ZNF805: variants seen among roughly 807,000 people sequenced by gnomAD.
ZNF805 encodes the protein CTC-444N24.8.
In ZNF805, 7 loss-of-function variants were observed where a neutral mutation model predicts 13.6. The observed-to-expected ratio is 0.51, with a 90% CI of 0.29 to 0.97. The LOEUF is 0.97. ZNF805 is among the 50% of genes least tolerant of loss of function. The probability of loss-of-function intolerance (pLI) is 0.08; values close to 1 mark genes in which losing one functional copy is unlikely to be tolerated. For missense variants in ZNF805, 604 were observed against 771.0 expected, an observed-to-expected ratio of 0.78 and a Z score of 2.57; for synonymous variants, 293 against 279.8, an observed-to-expected ratio of 1.05 and a Z score of -0.47.
chr19:57,243,847 T>C (rs1256339394), intron 1 of ZNF805, 76 bp from the exon 2 acceptor site: 1 of 1,606,046 alleles, frequency 6.2e-7, no homozygotes, highest in African/African-American at 1.3e-5. Context: ...TGGGCCTTGA[T>C]CTTGTTGCAC....
At position 57,240,863 on chromosome 19, in the gene ZNF805, C is replaced by A. The variant is rs2087574719; in HGVS notation, c.-29C>A. ...AGACCCGCCCTGCTCGCCGCAGCCCCCGCCCCGCTAGGGCCACAGGGTCCC... is the reference window on the plus strand; with the variant it reads ...AGACCCGCCCTGCTCGCCGCAGCCCACGCCCCGCTAGGGCCACAGGGTCCC... On this transcript the variant is annotated 5_prime_UTR_variant, in exon 1 of 4. Transcript: ENST00000414468. The A allele has an allele frequency of 6.5e-7, 1 of 1,547,358 alleles. No homozygotes were observed. The highest frequency in any genetic ancestry group is 1.4e-5 in the African/African-American group (1 of 72,748).
rs1260103666 is a variant in ZNF805, at chr19:57,261,666, C to T, written c.*6963C>T. On this transcript the variant is annotated 3_prime_UTR_variant, in exon 4 of 4. Coordinates refer to ENST00000414468, the MANE Select transcript of ZNF805 (RefSeq NM_001023563.4). ...GGCGTACCTTGACCTCGAAGAGAAT[C>T]TACATGGACTTTTATGGACCTACGT... 6.0e-6 allele frequency: 1 copy of T among 166,980 alleles called. No individual in the cohort carries two copies. Among genetic ancestry groups the T allele is most frequent in the Non-Finnish European group, 1.5e-5 (1 of 68,102 alleles). 10.3% of individuals were successfully genotyped at this position (166,980 alleles called of 1,614,324 possible).
rs1395587007 is a variant in ZNF805, at chr19:57,260,862, A to T, written c.*6159A>T. 2.0e-5 allele frequency among the ~76,000 whole-genome samples: 3 copies of T among 152,202 alleles called. No individual in the cohort carries two copies. The highest frequency in any genetic ancestry group is 2.9e-5 in the Non-Finnish European group (2 of 68,032). The stretch of plus-strand genomic sequence containing the variant: ...ACCTTGGCCGTGGGGATGCACCCAT[A>T]ATCATCATAAGAGAACACAAATTAT... On this transcript the variant is annotated 3_prime_UTR_variant, in exon 4 of 4. Transcript: ENST00000414468.
chr19:57,260,278 G>A lies in ZNF805; in HGVS notation c.*5575G>A, dbSNP rs1042832426. On this transcript the variant is annotated 3_prime_UTR_variant, in exon 4 of 4. Coordinates refer to ENST00000414468, the MANE Select transcript of ZNF805 (RefSeq NM_001023563.4). The stretch of plus-strand genomic sequence containing the variant: ...TTTCCCATAATGTATAGCTTTAGTC[G>A]GATCTCAAGCCTCGTTTCCAACCTA... Among the ~76,000 whole-genome samples, 5 of 152,064 alleles carry A rather than the reference G, an allele frequency of 3.3e-5. No homozygotes were observed. The East Asian group carries it at 5.8e-4, about 18-fold the overall frequency.
In ZNF805 at chr19:57,259,765, C is replaced by T. The variant is rs942175382; in HGVS notation, c.*5062C>T. Reference sequence around the variant, plus strand: ...TGGTGATCCACCTGCCTCGGCCTCCCGAAGTGCTGGGATTACAGGTGTGAG... The same window carrying T: ...TGGTGATCCACCTGCCTCGGCCTCCTGAAGTGCTGGGATTACAGGTGTGAG... On this transcript the variant is annotated 3_prime_UTR_variant, in exon 4 of 4. Coordinates refer to ENST00000414468, the MANE Select transcript of ZNF805 (RefSeq NM_001023563.4). Among the ~76,000 whole-genome samples the T allele has an allele frequency of 6.6e-6, 1 of 152,206 alleles. No homozygotes were observed. The highest frequency in any genetic ancestry group is 2.4e-5 in the African/African-American group (1 of 41,448).
intron 2 of ZNF805, among the ~76,000 whole-genome samples, chr19:57,248,299 T>A (rs891392047): frequency 2.6e-5 from 4 of 152,332 alleles, no homozygotes; most frequent in Middle Eastern, 6.8e-3. Context: ...AGTGTATCAC[T>A]TTTTCTCTAA....
At position 57,259,950 on chromosome 19, in the gene ZNF805, G is replaced by T. The variant is rs1012290072; in HGVS notation, c.*5247G>T. Among the ~76,000 whole-genome samples, 4 of 152,326 alleles carry T rather than the reference G, an allele frequency of 2.6e-5. No individual in the cohort carries two copies. Among genetic ancestry groups the T allele is most frequent in the Non-Finnish European group, 5.9e-5 (4 of 68,034 alleles). ...TTGAATAGAAATCCTAAATTATCTGGAGGAGTAGAAGTCCTGTAATCTTTT... is the reference window on the plus strand; with the variant it reads ...TTGAATAGAAATCCTAAATTATCTGTAGGAGTAGAAGTCCTGTAATCTTTT... On this transcript the variant is annotated 3_prime_UTR_variant, in exon 4 of 4. Coordinates refer to ENST00000414468, the MANE Select transcript of ZNF805 (RefSeq NM_001023563.4).
At chr19:57,244,341 G>A (rs1454372061) in intron 2 of ZNF805, among the ~76,000 whole-genome samples, 1 of 151,568 alleles carries the variant, frequency 6.6e-6, no homozygotes, top group Non-Finnish European at 1.5e-5. Flanking sequence ...TAGCTGGGAA[G>A]CTGGGATTAC....
rs778911867 is a variant in ZNF805, at chr19:57,253,392, T to TAAA, written c.576_578dup (p.Lys192dup). 1.9e-6 allele frequency: 3 copies of TAAA among 1,560,856 alleles called. No homozygotes were observed. Among genetic ancestry groups the TAAA allele is most frequent in the Middle Eastern group, 1.7e-4 (1 of 6,000 alleles). ...ATGACTGTGACTCACATGGATCAGGTAAAAATCCAGTTATTCAGGAAGAGG... is the reference window on the plus strand; with the variant it reads ...ATGACTGTGACTCACATGGATCAGGTAAAAAAAATCCAGTTATTCAGGAAGAGG... On this transcript the variant is annotated inframe_insertion, in exon 4 of 4. Coordinates refer to ENST00000414468, the MANE Select transcript of ZNF805 (RefSeq NM_001023563.4). This position sits in a 1 kb window ranked among gnomAD's most constrained non-coding sequence, Gnocchi z 4.4.
chr19:57,256,627 C>T lies in ZNF805; in HGVS notation c.*1924C>T, dbSNP rs2087688782. ...ATTCTTTGAAATATTTCCTTTTATC[C>T]TCTTGATGGCAGCAGGATCTGTACT... On this transcript the variant is annotated 3_prime_UTR_variant, in exon 4 of 4. Transcript: ENST00000414468. Among the ~76,000 whole-genome samples the T allele has an allele frequency of 6.6e-6, 1 of 151,820 alleles. No individual in the cohort carries two copies. The highest frequency in any genetic ancestry group is 2.4e-5 in the African/African-American group (1 of 41,354).
chr19:57,250,607 G>A (rs958471184), intron 3 of ZNF805, among the ~76,000 whole-genome samples: 2 of 152,256 alleles, frequency 1.3e-5, no homozygotes, highest in South Asian at 2.1e-4. Context: ...CTTAATCTCT[G>A]TATCTGCTTT....
At position 57,261,248 on chromosome 19, in the gene ZNF805, GACTC is replaced by G. The variant is rs1457795743; in HGVS notation, c.*6550_*6553del. 6.0e-6 allele frequency: 1 copy of G among 166,990 alleles called. No individual in the cohort carries two copies. The highest frequency in any genetic ancestry group is 1.5e-5 in the Non-Finnish European group (1 of 68,134). The allele number at this position is 166,990 out of a possible 1,614,324, so 10.3% of individuals were successfully genotyped here. Reference sequence around the variant, plus strand: ...TCCTTCAAGCAAATGAGATAAACCAGACTCACTCTTTAATGCCTGCATAAGCTAT... The same window carrying G: ...TCCTTCAAGCAAATGAGATAAACCAGACTCTTTAATGCCTGCATAAGCTAT... On this transcript the variant is annotated 3_prime_UTR_variant, in exon 4 of 4. Transcript: ENST00000414468.
chr19:57,261,690 G>A lies in ZNF805; in HGVS notation c.*6987G>A, dbSNP rs904937727. ...TCTACATGGACTTTTATGGACCTAC[G>A]TACACAATTTTAGAAATCATAATAA... On this transcript the variant is annotated 3_prime_UTR_variant, in exon 4 of 4. Transcript: ENST00000414468. 6 of 166,924 alleles carry A rather than the reference G, an allele frequency of 3.6e-5. No individual in the cohort carries two copies. The highest frequency in any genetic ancestry group is 6.5e-5 in the Admixed American group (1 of 15,272). 10.3% of individuals were successfully genotyped at this position (166,924 alleles called of 1,614,324 possible).
rs575748732 is a variant in ZNF805 at position 57,244,072 on chromosome 19, T to C, written c.157+23T>C. The C allele has an allele frequency of 4.4e-6, 7 of 1,608,614 alleles. No individual in the cohort carries two copies. In the East Asian group the frequency reaches 6.7e-5, roughly 15 times the overall value. Reference sequence around the variant, plus strand: ...TGGGTAAGGCCTTCCCCCTCCACCATGCAGGGGATCTGCCACCTCCTTCGT... The same window carrying C: ...TGGGTAAGGCCTTCCCCCTCCACCACGCAGGGGATCTGCCACCTCCTTCGT... On this transcript the variant is annotated intron_variant, in intron 2 of 3. Transcript: ENST00000414468.
rs74644442 is a variant in ZNF805 at position 57,243,502 on chromosome 19, T to C, written c.31-421T>C. Among the ~76,000 whole-genome samples, 29 of 152,326 alleles carry C rather than the reference T, an allele frequency of 1.9e-4. No individual in the cohort carries two copies. The South Asian group carries it at 2.3e-3, about 12-fold the overall frequency. The stretch of plus-strand genomic sequence containing the variant: ...CAGTTTCAGGAGTTTGGATTCAAAC[T>C]TGAGAAGTCTGACTTCAGAGTTTGG... On this transcript the variant is annotated intron_variant, in intron 1 of 3. Transcript: ENST00000414468.
chr19:57,244,955 T>C (rs2087603532), intron 2 of ZNF805, among the ~76,000 whole-genome samples: 1 of 152,168 alleles, frequency 6.6e-6, no homozygotes, highest in African/African-American at 2.4e-5. Context: ...TCTGCAGTTT[T>C]TTTTTTGAGT....
In ZNF805 at chr19:57,241,493, T is replaced by C. The variant is rs2087579617; in HGVS notation, c.30+572T>C. 2.0e-5 allele frequency among the ~76,000 whole-genome samples: 3 copies of C among 152,158 alleles called. No homozygotes were observed. In the South Asian group the frequency reaches 6.2e-4, roughly 32 times the overall value. On this transcript the variant is annotated intron_variant, in intron 1 of 3. Coordinates refer to ENST00000414468, the MANE Select transcript of ZNF805 (RefSeq NM_001023563.4). ...CTCTGAAAGCTGCTTAATAATTGCT[T>C]GAAGGATGGATGAAGTTCCACTCCA... is the stretch of plus-strand genomic sequence containing the variant.
rs1030068948 is a variant in ZNF805, at chr19:57,253,034, A to G, written c.254-39A>G. On this transcript the variant is annotated intron_variant, in intron 3 of 3. Transcript: ENST00000414468. The surrounding 1 kb of genome is among the most constrained non-coding windows in gnomAD (Gnocchi z 4.4). ...GTGAGTTTGTTTCTTCTCTTTTTAC[A>G]TTACTAACAAGCCCTTCTGTGTGTT... 1.0e-5 allele frequency: 14 copies of G among 1,367,270 alleles called. No individual in the cohort carries two copies. The highest frequency in any genetic ancestry group is 4.2e-5 in the South Asian group (2 of 47,556). 84.7% of individuals were successfully genotyped at this position (1,367,270 alleles called of 1,614,324 possible). A position where few individuals can be genotyped will look rare whatever the true frequency, so the allele number is the denominator to read the frequency against.
In ZNF805 at chr19:57,254,597, A is replaced by G; in HGVS notation, c.1778A>G (p.Asn593Ser). ...ATCCAAGAACTTTTATTGGGGAAAA[A>G]CTTTTTGAATGTCACCACTGAGGAA... ...VNIQELLLGK[N>S]FLNVTTEENL... Residue 593 changes from asparagine (N) to serine (S), a missense_variant, in exon 4 of 4, where the codon AAC becomes AGC. By Grantham distance (46) the Asn-to-Ser change is conservative. This residue lies in a region of ZNF805 where 49 missense variants were observed against 40.0 expected (regional missense o/e 1.23). Transcript: ENST00000414468. 2 of 1,614,088 alleles carry G rather than the reference A, an allele frequency of 1.2e-6. No homozygotes were observed. Among genetic ancestry groups the G allele is most frequent in the South Asian group, 1.1e-5 (1 of 91,084 alleles).
Sources: gnomAD v4.1 joint callset for allele counts (sites outside exome capture counted in the v4.1 genomes callset) on GRCh38, gnomAD v4.1.1 for gene constraint, gnomAD v4.1.1 regional missense constraint, Gnocchi (gnomAD v3.1) non-coding constraint, MANE v1.5 for transcripts, NCBI Gene and HGNC (gene_info 2026-07-23, HGNC 2026-07-21) for gene names.